The following ZFHX3 variants were observed in gnomAD, a reference collection of about 807,000 sequenced individuals.
ZFHX3 encodes zinc finger homeobox 3, also known as zinc finger homeobox protein 3.
ZFHX3 carries 42 observed loss-of-function variants against 279.1 expected under a neutral mutation model. The ratio of observed to expected loss-of-function variants is 0.15; its 90% CI spans 0.12 to 0.19. ZFHX3 has a LOEUF of 0.19. ZFHX3 is among the 10% of genes least tolerant of loss of function. The pLI is 1.00. For missense variants in ZFHX3, 4,981 were observed against 4,754.0 expected (o/e 1.05, Z -1.40); for synonymous variants, 2,293 against 1,957.8 (o/e 1.17, Z -4.52).
At chr16:73,666,623 G>T (rs2052845121) in intron 2 of ZFHX3, among the ~76,000 whole-genome samples, 2 of 151,958 alleles carry the variant, frequency 1.3e-5, no homozygotes, top group African/African-American at 4.9e-5. Flanking sequence ...ACTTGCTGAA[G>T]TATAATTTAC....
At chr16:73,676,069 A>C (rs1229073103) in intron 2 of ZFHX3, among the ~76,000 whole-genome samples, 1 of 152,110 alleles carries the variant, frequency 6.6e-6, no homozygotes, top group African/African-American at 2.4e-5. Context: ...GAGATTTAAA[A>C]ATAACTAAGA....
chr16:72,974,306 C>A, intron 1 of ZFHX3, among the ~76,000 whole-genome samples: 1 of 152,190 alleles, frequency 6.6e-6, no homozygotes, highest in East Asian at 1.9e-4. Context: ...GGTACGTCCT[C>A]GCAATGATTC....
In ZFHX3 at chr16:73,570,202, C is replaced by CA. The variant is rs535480293; in HGVS notation, c.-1547+109977dup. Among the ~76,000 whole-genome samples the CA allele has an allele frequency of 3.0e-4, 46 of 152,136 alleles. 1 individual carries two copies. In the South Asian group the frequency reaches 7.3e-3, roughly 24 times the overall value. On this transcript the variant is annotated intron_variant, in intron 2 of 17. Transcript: ENST00000641206. The stretch of plus-strand genomic sequence containing the variant: ...CGTAAGCTTTCATCACTGAGTTACC[C>CA]AAAAAAAGTTAACATATTCAGAAAA...
intron 4 of ZFHX3, among the ~76,000 whole-genome samples, chr16:73,290,673 CT>C (rs1198777215): frequency 2.6e-5 from 4 of 152,206 alleles, no homozygotes; most frequent in African/African-American, 9.6e-5. Flanking sequence ...CACAAAGCTG[CT>C]TGTCTTTCAC....
At chr16:73,300,839 C>T (rs1396765837) in intron 4 of ZFHX3, among the ~76,000 whole-genome samples, 1 of 152,200 alleles carries the variant, frequency 6.6e-6, no homozygotes, top group African/African-American at 2.4e-5. Flanking sequence ...GTGGTCCAGG[C>T]TTTACCTGTT....
intron 2 of ZFHX3, among the ~76,000 whole-genome samples, chr16:73,517,627 G>A (rs1456700616): frequency 1.3e-5 from 2 of 152,214 alleles, no homozygotes; most frequent in Admixed American, 1.3e-4. Context: ...TATTAGAAAT[G>A]TAGCAAACAT....
In ZFHX3 at chr16:73,541,095, C is replaced by T. The variant is rs117161409; in HGVS notation, c.-1546-84837G>A. Among the ~76,000 whole-genome samples, 77 of 152,310 alleles carry T rather than the reference C, an allele frequency of 5.1e-4. No homozygotes were observed. In the South Asian group the frequency reaches 5.2e-3, roughly 10 times the overall value. ...CTGACCCAGAGCCTCATTCTCCACC[C>T]GTCCATCTGCAGCCTGGAGCATGTC... On this transcript the variant is annotated intron_variant, in intron 2 of 17. Transcript: ENST00000641206.
intron 2 of ZFHX3, among the ~76,000 whole-genome samples, chr16:73,528,910 G>C (rs1176063153): frequency 6.6e-6 from 1 of 152,180 alleles, no homozygotes; most frequent in African/African-American, 2.4e-5. Flanking sequence ...TGCAGGACAG[G>C]CATCTGGCTG....
chr16:73,531,486 G>T (rs1054631197), intron 2 of ZFHX3, among the ~76,000 whole-genome samples: 1 of 151,832 alleles, frequency 6.6e-6, no homozygotes, highest in Non-Finnish European at 1.5e-5. Flanking sequence ...AGGATGAGGT[G>T]GGGGGACTGC....
Position 73,593,947 on chromosome 16 carries a change from A to G in ZFHX3, c.-1547+86233T>C, listed in dbSNP as rs550337961. Among the ~76,000 whole-genome samples, 116 of 152,330 alleles carry G rather than the reference A, an allele frequency of 7.6e-4. 1 individual carries two copies. The South Asian group carries it at 0.023, about 31-fold the overall frequency. Reference sequence around the variant, plus strand: ...CCATGTCAAACTCTTGTTAATGGTCAAATACTGAAAGCTTCCTATGTGAAA... The same window carrying G: ...CCATGTCAAACTCTTGTTAATGGTCGAATACTGAAAGCTTCCTATGTGAAA... On this transcript the variant is annotated intron_variant, in intron 2 of 17. Coordinates refer to the ZFHX3 transcript ENST00000641206.
At chr16:73,211,829 G>A (rs974882147) in intron 5 of ZFHX3, among the ~76,000 whole-genome samples, 8 of 152,132 alleles carry the variant, frequency 5.3e-5, no homozygotes, top group African/African-American at 1.9e-4. Flanking sequence ...GAGTCTTGGG[G>A]ATGGAATGGC....
chr16:72,859,232 C>T (rs984978666), intron 4 of ZFHX3, among the ~76,000 whole-genome samples: 2 of 152,190 alleles, frequency 1.3e-5, no homozygotes, highest in Non-Finnish European at 2.9e-5. Context: ...ACAGGCAGCC[C>T]ACATAAACAA....
chr16:73,623,178 A>C (rs55857052), intron 2 of ZFHX3, among the ~76,000 whole-genome samples: 6,810 of 151,976 alleles, frequency 0.045, 324 homozygotes, highest in African/African-American at 0.11. Context: ...CTGGGACTAC[A>C]GGCGCCCGCC....
chr16:72,808,339 A>T (rs1420100369), intron 7 of ZFHX3, among the ~76,000 whole-genome samples: 3 of 148,258 alleles, frequency 2.0e-5, no homozygotes, highest in Non-Finnish European at 4.5e-5. Flanking sequence ...CTGGTTGCTC[A>T]TTTTTTTTTT....
chr16:73,632,169 C>T, intron 2 of ZFHX3, among the ~76,000 whole-genome samples: 1 of 152,100 alleles, frequency 6.6e-6, no homozygotes, highest in East Asian at 1.9e-4. Context: ...ATTTAATATA[C>T]ATGTGTTGAG....
At chr16:73,117,660 C>A (rs78900543) in intron 7 of ZFHX3, among the ~76,000 whole-genome samples, 2,441 of 152,316 alleles carry the variant, frequency 0.016, 74 homozygotes, top group African/African-American at 0.056. Flanking sequence ...TCTCTAGCCT[C>A]CTGCTATAGA....
chr16:73,537,750 A>T (rs976419038), intron 2 of ZFHX3, among the ~76,000 whole-genome samples: 2 of 152,214 alleles, frequency 1.3e-5, no homozygotes, highest in African/African-American at 4.8e-5. Flanking sequence ...CAGGAGTCCC[A>T]TGAAAAGATG....
At chr16:73,159,376 G>A (rs1967171473) in intron 5 of ZFHX3, among the ~76,000 whole-genome samples, 1 of 151,004 alleles carries the variant, frequency 6.6e-6, no homozygotes, top group South Asian at 2.1e-4. Flanking sequence ...CTGGCCATAT[G>A]ACTTTTTTTC....
intron 2 of ZFHX3, among the ~76,000 whole-genome samples, chr16:73,575,010 T>C (rs1047085437): frequency 6.6e-6 from 1 of 152,204 alleles, no homozygotes; most frequent in Non-Finnish European, 1.5e-5. Flanking sequence ...CACTTATCCA[T>C]ATGCTCTTTT....
Sources: allele counts gnomAD v4.1 joint callset (sites outside exome capture counted in the v4.1 genomes callset), GRCh38; gene constraint gnomAD v4.1.1; transcripts MANE v1.5; gene names NCBI Gene and HGNC (gene_info 2026-07-23, HGNC 2026-07-21).